SCAI: variants seen among roughly 807,000 people sequenced by gnomAD.
SCAI encodes the protein suppressor of cancer cell invasion, also known as protein SCAI.
In SCAI, 24 loss-of-function variants were observed where a neutral mutation model predicts 92.2. The observed-to-expected ratio is 0.26, with a 90% CI of 0.19 to 0.37. The LOEUF is 0.37. Among genes scored for constraint, SCAI ranks in the 10% least tolerant of loss-of-function variants. The pLI is 1.00. For missense variants in SCAI, 450 were observed against 736.2 expected, an observed-to-expected ratio of 0.61 and a Z score of 4.50; for synonymous variants, 261 against 258.6, an observed-to-expected ratio of 1.01 and a Z score of -0.09.
At chr9:125,019,542 G>A (rs1310529805) in intron 7 of SCAI, among the ~76,000 whole-genome samples, 3 of 152,054 alleles carry the variant, frequency 2.0e-5, no homozygotes, top group Non-Finnish European at 4.4e-5. Flanking sequence ...TCTCATACCT[G>A]TAATCCCAGC....
intron 6 of SCAI, among the ~76,000 whole-genome samples, chr9:125,020,991 T>G (rs1221004120): frequency 1.3e-5 from 2 of 152,186 alleles, no homozygotes; most frequent in Non-Finnish European, 2.9e-5. Context: ...AGAACTTAGA[T>G]GCATCAGATA....
intron 3 of SCAI, 116 bp downstream of exon 3, chr9:125,055,760 A>G: frequency 5.4e-6 from 4 of 747,640 alleles, no homozygotes; most frequent in Non-Finnish European, 8.5e-6. Flanking sequence ...GATCACTCTA[A>G]TACAGAAATT....
intron 15 of SCAI, among the ~76,000 whole-genome samples, chr9:124,974,701 A>C (rs1425430088): frequency 1.3e-5 from 2 of 152,226 alleles, no homozygotes; most frequent in African/African-American, 4.8e-5. Context: ...TGTAGCATGA[A>C]GATAGGAAAC....
At chr9:125,024,631 C>T (rs1394146183) in intron 6 of SCAI, among the ~76,000 whole-genome samples, 1 of 152,096 alleles carries the variant, frequency 6.6e-6, no homozygotes, top group Non-Finnish European at 1.5e-5. Context: ...CTTGTCCAAC[C>T]TGCTAGGCTC....
At chr9:124,982,056 G>A (rs1219753431) in intron 14 of SCAI, among the ~76,000 whole-genome samples, 1 of 152,064 alleles carries the variant, frequency 6.6e-6, no homozygotes, top group South Asian at 2.1e-4. Context: ...ATTCTATATT[G>A]ATAAACTACT....
chr9:125,066,456 A>ATTTTTT (rs1183338955), intron 2 of SCAI, among the ~76,000 whole-genome samples: 9 of 121,548 alleles, frequency 7.4e-5, no homozygotes, highest in African/African-American at 2.7e-4. Context: ...TATTTTATTT[A>ATTTTTT]TTTATTTATT....
chr9:125,096,156 T>A (rs1157274414), intron 2 of SCAI, among the ~76,000 whole-genome samples: 4 of 152,150 alleles, frequency 2.6e-5, no homozygotes, highest in Non-Finnish European at 5.9e-5. Flanking sequence ...AAAAAGGGTT[T>A]AATGGGGGTG....
At chr9:125,092,622 C>G (rs992414014) in intron 2 of SCAI, among the ~76,000 whole-genome samples, 1 of 152,206 alleles carries the variant, frequency 6.6e-6, no homozygotes, top group African/African-American at 2.4e-5. Context: ...TCCATTCATG[C>G]CTTAACCTTC....
chr9:125,006,371 C>A (rs1832507112), intron 9 of SCAI, among the ~76,000 whole-genome samples: 1 of 152,216 alleles, frequency 6.6e-6, no homozygotes, highest in African/African-American at 2.4e-5. Flanking sequence ...TGCACACCCC[C>A]ATCCCCGGTC....
intron 11 of SCAI, among the ~76,000 whole-genome samples, chr9:125,002,486 C>CTTTTTTTTTTTT: frequency 1.6e-5 from 1 of 62,796 alleles, no homozygotes; most frequent in South Asian, 5.4e-4. Flanking sequence ...GTTTTTTAGT[C>CTTTTTTTTTTTT]TGTTTTTTTT....
At chr9:124,965,423 G>A (rs751921329) in intron 17 of SCAI, among the ~76,000 whole-genome samples, 11 of 152,110 alleles carry the variant, frequency 7.2e-5, no homozygotes, top group Admixed American at 1.3e-4. Context: ...TAGTAGAGAC[G>A]AGGGTTTCAC....
At chr9:125,012,504 T>C (rs1404930397) in intron 9 of SCAI, among the ~76,000 whole-genome samples, 1 of 152,074 alleles carries the variant, frequency 6.6e-6, no homozygotes, top group Non-Finnish European at 1.5e-5. Context: ...ATGCACCCAA[T>C]ACAAGAGCAC....
chr9:125,097,406 C>T (rs1240401067), intron 2 of SCAI, among the ~76,000 whole-genome samples: 1 of 151,876 alleles, frequency 6.6e-6, no homozygotes, highest in South Asian at 2.1e-4. Context: ...TCACTCCAAC[C>T]TGGGAGACAG....
intron 3 of SCAI, among the ~76,000 whole-genome samples, chr9:125,053,894 C>T (rs928502275): frequency 2.0e-5 from 3 of 152,084 alleles, no homozygotes; most frequent in Non-Finnish European, 4.4e-5. Flanking sequence ...GTTTGAGAGC[C>T]CATGTGCCAG....
At chr9:125,127,272 C>A (rs1835297006) in intron 2 of SCAI, among the ~76,000 whole-genome samples, 1 of 152,166 alleles carries the variant, frequency 6.6e-6, no homozygotes, top group Admixed American at 6.5e-5. Flanking sequence ...ACCTTCCACC[C>A]TTCTCCTGGT....
intron 10 of SCAI, 111 bp from the exon 11 acceptor site, chr9:125,003,326 C>G (rs1832404025): frequency 9.8e-7 from 1 of 1,016,624 alleles, no homozygotes; most frequent in Non-Finnish European, 1.6e-6. Context: ...CACACTCAGT[C>G]TTACTGTGAT....
intron 2 of SCAI, among the ~76,000 whole-genome samples, chr9:125,108,411 C>G (rs1381350035): frequency 6.6e-6 from 1 of 152,038 alleles, no homozygotes; most frequent in East Asian, 1.9e-4. Context: ...AGCCACCATC[C>G]CATCTAGGAA....
intron 2 of SCAI, among the ~76,000 whole-genome samples, chr9:125,061,130 T>C (rs1324683772): frequency 6.6e-6 from 1 of 152,078 alleles, no homozygotes; most frequent in Non-Finnish European, 1.5e-5. Flanking sequence ...ACCCTGTCTC[T>C]ACTAAAAATA....
Position 125,001,894 on chromosome 9 carries a change from G to A in SCAI, c.1144+71C>T, listed in dbSNP as rs960150237. On this transcript the variant is annotated intron_variant, in intron 12 of 17. Transcript: ENST00000336505. ...AAGGCTGAGATGGTCTGTGGGCTAC[G>A]GGCCATCGTCTTGTAGAAAATAAAG... 1.1e-5 allele frequency: 12 copies of A among 1,074,034 alleles called. No homozygotes were observed. In the Admixed American group the frequency reaches 1.6e-4, roughly 15 times the overall value. The allele number at this position is 1,074,034 out of a possible 1,614,324, so 66.5% of individuals were successfully genotyped here.
Sources: gnomAD v4.1 joint callset for allele counts (sites outside exome capture counted in the v4.1 genomes callset) on GRCh38, gnomAD v4.1.1 for gene constraint, MANE v1.5 for transcripts, NCBI Gene and HGNC (gene_info 2026-07-23, HGNC 2026-07-21) for gene names.